The following PLCG1 variants were observed in gnomAD, a reference collection of about 807,000 sequenced individuals.
PLCG1 encodes phospholipase C gamma 1, also known as 1-phosphatidylinositol 4,5-bisphosphate phosphodiesterase gamma-1.
In PLCG1, 71 loss-of-function variants were observed where a neutral mutation model predicts 177.8. The ratio of observed to expected loss-of-function variants is 0.40; its 90% CI spans 0.33 to 0.49. PLCG1 has a LOEUF of 0.49. Among genes scored for constraint, PLCG1 ranks in the 20% least tolerant of loss-of-function variants. The pLI is 0.72. For missense variants in PLCG1, 1,281 were observed against 1,709.0 expected (o/e 0.75, Z 4.42); for synonymous variants, 658 against 647.9 (o/e 1.02, Z -0.24).
At chr20:41,145,465 A>T (rs916514229) in intron 1 of PLCG1, among the ~76,000 whole-genome samples, 1 of 152,030 alleles carries the variant, frequency 6.6e-6, no homozygotes, top group Non-Finnish European at 1.5e-5. Context: ...CCTAATTGTC[A>T]TCTCTGCCAT....
At position 41,137,603 on chromosome 20, in the gene PLCG1, G is replaced by A; in HGVS notation, c.-39G>A. 7.9e-7 allele frequency: 1 copy of A among 1,273,550 alleles called. No homozygotes were observed. The allele number at this position is 1,273,550 out of a possible 1,614,324, so 78.9% of individuals were successfully genotyped here. Reference sequence around the variant, plus strand: ...CCGCCGTTGCGCTTGCTCCCGGGCGGTCCTGGCCTGTGCCGCCGCCGCCCC... The same window carrying A: ...CCGCCGTTGCGCTTGCTCCCGGGCGATCCTGGCCTGTGCCGCCGCCGCCCC... On this transcript the variant is annotated 5_prime_UTR_variant, in exon 1 of 32. Coordinates refer to ENST00000685551, the MANE Select transcript of PLCG1 (RefSeq NM_002660.3). The surrounding 1 kb of genome is among the most constrained non-coding windows in gnomAD (Gnocchi z 7.3).
rs1478689810 is a variant in PLCG1, at chr20:41,146,396, CT to C, written c.217+8539del. Among the ~76,000 whole-genome samples the C allele has an allele frequency of 1.3e-5, 2 of 152,230 alleles. No individual in the cohort carries two copies. The highest frequency in any genetic ancestry group is 4.8e-5 in the African/African-American group (2 of 41,454). ...TCCCTGTAGCAGCCCATCCTACCCC[CT>C]GGGGTCCCTCCACCTGCCAGCTGGC... On this transcript the variant is annotated intron_variant, in intron 1 of 31. Transcript: ENST00000685551. The surrounding 1 kb of genome is among the most constrained non-coding windows in gnomAD (Gnocchi z 6.3).
At position 41,170,257 on chromosome 20, in the gene PLCG1, A is replaced by G; in HGVS notation, c.2796A>G (p.Thr932=). Residue 932 remains threonine (T), a synonymous_variant, in exon 24 of 32, where the codon ACA becomes ACG. Transcript: ENST00000685551. ...WVKKIREVAQ[T]ADARLTEGKI... is the part of the protein sequence containing the mutation. The stretch of plus-strand genomic sequence containing the variant: ...AAAAGATCCGTGAAGTGGCCCAGAC[A>G]GCAGACGCCAGGGTGAGATTCTGCT... 3 of 1,614,104 alleles carry G rather than the reference A, an allele frequency of 1.9e-6. No homozygotes were observed. Among genetic ancestry groups the G allele is most frequent in the Non-Finnish European group, 2.5e-6 (3 of 1,179,988 alleles).
Position 41,168,888 on chromosome 20 carries a change from T to C in PLCG1, c.2483+18T>C. The C allele has an allele frequency of 6.4e-7, 1 of 1,553,264 alleles. No individual in the cohort carries two copies. The highest frequency in any genetic ancestry group is 8.9e-7 in the Non-Finnish European group (1 of 1,126,776). ...GGAGGCTGGTAAGCCAGTGGTGTGG[T>C]AGGCCCAGAGTCCAAGGGCCCCAGT... On this transcript the variant is annotated intron_variant, in intron 21 of 31. Transcript: ENST00000685551.
intron 1 of PLCG1, among the ~76,000 whole-genome samples, chr20:41,154,284 A>G (rs946549562): frequency 3.8e-4 from 58 of 152,202 alleles, no homozygotes; most frequent in African/African-American, 1.4e-3. Flanking sequence ...TTTTGAGCAC[A>G]GGGGATACTA....
chr20:41,168,912 G>GCTCCAC, intron 21 of PLCG1, 42 bp downstream of exon 21: 5 of 1,402,412 alleles, frequency 3.6e-6, no homozygotes, highest in African/African-American at 1.4e-5. Flanking sequence ...AAGGGCCCCA[G>GCTCCAC]TGGAGCTGGG....
chr20:41,161,761 C>G lies in PLCG1; in HGVS notation c.513-691C>G, dbSNP rs372804537. On this transcript the variant is annotated intron_variant, in intron 4 of 31. Transcript: ENST00000685551. ...CACCTTCCAGGAGAGAAAGCCCCCC[C>G]CTTCCCCCTTCTTGTCCATCCTGTT... Among the ~76,000 whole-genome samples, 83 of 151,946 alleles carry G rather than the reference C, an allele frequency of 5.5e-4. 1 individual carries two copies. Among genetic ancestry groups the G allele is most frequent in the Middle Eastern group, 6.8e-3 (2 of 294 alleles).
rs1375441219 is a variant in PLCG1, at chr20:41,174,207, C to T, written c.3729C>T (p.Gly1243=). The change falls in exon 31 of 32, where the codon GGC becomes GGT. Residue 1243 remains glycine (G), a synonymous_variant. Transcript: ENST00000685551. This position sits in a 1 kb window ranked among gnomAD's most constrained non-coding sequence, Gnocchi z 5.8. The part of the protein sequence containing the change: ...GSDASGQLFH[G]RAREGSFESR... ...ATGCCTCAGGCCAGCTGTTTCATGG[C>T]CGAGCCCGGGAAGGCTCCTTTGAAT... 1.9e-6 allele frequency: 3 copies of T among 1,614,032 alleles called. No individual in the cohort carries two copies. Among genetic ancestry groups the T allele is most frequent in the Non-Finnish European group, 2.5e-6 (3 of 1,180,036 alleles).
chr20:41,162,339 C>T, intron 4 of PLCG1, 113 bp from the exon 5 acceptor site: 1 of 686,702 alleles, frequency 1.5e-6, no homozygotes, highest in Non-Finnish European at 2.6e-6. Flanking sequence ...CCTCAGGCCT[C>T]CAGGTTCCCA....
At position 41,165,542 on chromosome 20, in the gene PLCG1, G is replaced by T; in HGVS notation, c.1602G>T (p.Glu534Asp). ...ACCAGGGCAACGAGGATGAGGAGGA[G>T]CCCAAGGAGGTGAGGAACCAGCTCA... ...SSDQGNEDEEEPKEVSSSTEL... is the reference protein window; with the variant it reads ...SSDQGNEDEEDPKEVSSSTEL... Residue 534 changes from glutamate (E) to aspartate (D), a missense_variant, in exon 15 of 32, where the codon GAG becomes GAT. By Grantham distance (45) the Glu-to-Asp change is conservative. Transcript: ENST00000685551. The surrounding 1 kb of genome is among the most constrained non-coding windows in gnomAD (Gnocchi z 6.6). The T allele has an allele frequency of 6.2e-7, 1 of 1,613,858 alleles. No homozygotes were observed. The highest frequency in any genetic ancestry group is 1.1e-5 in the South Asian group (1 of 91,072).
chr20:41,141,906 G>A (rs149270566), intron 1 of PLCG1, among the ~76,000 whole-genome samples: 3 of 152,350 alleles, frequency 2.0e-5, no homozygotes, highest in African/African-American at 7.2e-5. Flanking sequence ...AGATGCACAG[G>A]ATTCAGTTGG....
In PLCG1 at chr20:41,172,984, T is replaced by C; in HGVS notation, c.3279+107T>C. 8.2e-7 allele frequency: 1 copy of C among 1,219,166 alleles called. No homozygotes were observed. The highest frequency in any genetic ancestry group is 1.1e-6 in the Non-Finnish European group (1 of 874,556). 75.5% of individuals were successfully genotyped at this position (1,219,166 alleles called of 1,614,324 possible). On this transcript the variant is annotated intron_variant, in intron 27 of 31. Coordinates refer to ENST00000685551, the MANE Select transcript of PLCG1 (RefSeq NM_002660.3). The surrounding 1 kb of genome is among the most constrained non-coding windows in gnomAD (Gnocchi z 7.0). Reference sequence around the variant, plus strand: ...TAGGTATTTTCAGGCATCAAGGTGGTCAGGGTGGGTGGGGCCTGAGCTGAG... The same window carrying C: ...TAGGTATTTTCAGGCATCAAGGTGGCCAGGGTGGGTGGGGCCTGAGCTGAG...
rs990895587 is a variant in PLCG1, at chr20:41,145,866, G to A, written c.217+8008G>A. On this transcript the variant is annotated intron_variant, in intron 1 of 31. Transcript: ENST00000685551. ...TCCTGGCTAAGCCCTTAATATTCTC[G>A]CACCCCTCCTTGCAAGACTAGTTCC... Among the ~76,000 whole-genome samples, 9 of 152,240 alleles carry A rather than the reference G, an allele frequency of 5.9e-5. No individual in the cohort carries two copies. The South Asian group carries it at 6.2e-4, about 11-fold the overall frequency.
rs779966873 is a variant in PLCG1 at position 41,163,683 on chromosome 20, CT to C, written c.892-31del. ...TTGGGTTGGACAGGGCAGGGACTCA[CT>C]GTCTCTTCCCTTCCACATGTTTCTG... On this transcript the variant is annotated intron_variant, in intron 9 of 31. Coordinates refer to ENST00000685551, the MANE Select transcript of PLCG1 (RefSeq NM_002660.3). The surrounding 1 kb of genome is among the most constrained non-coding windows in gnomAD (Gnocchi z 5.2). 8.3e-6 allele frequency: 12 copies of C among 1,440,466 alleles called. No homozygotes were observed. The highest frequency in any genetic ancestry group is 1.2e-5 in the Non-Finnish European group (12 of 1,021,600). The allele number at this position is 1,440,466 out of a possible 1,614,324, so 89.2% of individuals were successfully genotyped here. A position where few individuals can be genotyped will look rare whatever the true frequency, so the allele number is the denominator to read the frequency against.
At position 41,160,024 on chromosome 20, in the gene PLCG1, A is replaced by G; in HGVS notation, c.464+61A>G. 3 of 1,598,626 alleles carry G rather than the reference A, an allele frequency of 1.9e-6. No homozygotes were observed. Among genetic ancestry groups the G allele is most frequent in the Non-Finnish European group, 2.6e-6 (3 of 1,165,936 alleles). On this transcript the variant is annotated intron_variant, in intron 3 of 31. Transcript: ENST00000685551. This position sits in a 1 kb window ranked among gnomAD's most constrained non-coding sequence, Gnocchi z 5.5. ...CATTAGGGACCAGGGGGACAGGGAC[A>G]GCAGACCTTTGTGTGCCCAGACATC...
chr20:41,141,521 T>C (rs2034825788), intron 1 of PLCG1, among the ~76,000 whole-genome samples: 2 of 152,228 alleles, frequency 1.3e-5, no homozygotes, highest in Non-Finnish European at 2.9e-5. Flanking sequence ...CTCCGAGGGC[T>C]AGGCCCACAG....
rs1393005128 is a variant in PLCG1, at chr20:41,147,104, T to C, written c.217+9246T>C. On this transcript the variant is annotated intron_variant, in intron 1 of 31. Transcript: ENST00000685551. This position sits in a 1 kb window ranked among gnomAD's most constrained non-coding sequence, Gnocchi z 4.0. ...TCTGCCTGATAGTCCACCACCTGTT[T>C]GGAGGCAGCTCCCCTCTTCCTGCCC... Among the ~76,000 whole-genome samples, 1 of 152,204 alleles carries C rather than the reference T, an allele frequency of 6.6e-6. No homozygotes were observed. The highest frequency in any genetic ancestry group is 1.5e-5 in the Non-Finnish European group (1 of 68,026).
rs2035049140 is a variant in PLCG1, at chr20:41,148,032, A to G, written c.217+10174A>G. On this transcript the variant is annotated intron_variant, in intron 1 of 31. Coordinates refer to ENST00000685551, the MANE Select transcript of PLCG1 (RefSeq NM_002660.3). This position sits in a 1 kb window ranked among gnomAD's most constrained non-coding sequence, Gnocchi z 4.3. ...CATGGCGCAAAGGGAGTGCAGCCAG[A>G]TGCTGTGGCGGCTGGGTCAAGTAGC... is the stretch of plus-strand genomic sequence containing the variant. Among the ~76,000 whole-genome samples the G allele has an allele frequency of 6.6e-6, 1 of 152,118 alleles. No individual in the cohort carries two copies.
In PLCG1 at chr20:41,164,060, C is replaced by G. The variant is rs2146040650; in HGVS notation, c.1097-21C>G. ...AAGATGGGAGGCCTGCCCGCTTGACCATGGTGATGTTGCTCCCCAGTGGAC... is the reference window on the plus strand; with the variant it reads ...AAGATGGGAGGCCTGCCCGCTTGACGATGGTGATGTTGCTCCCCAGTGGAC... On this transcript the variant is annotated intron_variant, in intron 11 of 31. Transcript: ENST00000685551. The surrounding 1 kb of genome is among the most constrained non-coding windows in gnomAD (Gnocchi z 6.4). The G allele has an allele frequency of 6.2e-7, 1 of 1,614,168 alleles. No homozygotes were observed. Among genetic ancestry groups the G allele is most frequent in the African/African-American group, 1.3e-5 (1 of 75,040 alleles).
Sources: gnomAD v4.1 joint callset for allele counts (sites outside exome capture counted in the v4.1 genomes callset) on GRCh38, gnomAD v4.1.1 for gene constraint, Gnocchi (gnomAD v3.1) non-coding constraint, MANE v1.5 for transcripts, NCBI Gene and HGNC (gene_info 2026-07-23, HGNC 2026-07-21) for gene names.